Variants in NUBPL observed in about 807,000 individuals in gnomAD.
NUBPL encodes the protein iron-sulfur cluster transfer protein NUBPL.
Under a neutral mutation model 45.7 loss-of-function variants are expected in NUBPL, and 31 were observed. The ratio of observed to expected loss-of-function variants is 0.68; its 90% confidence interval spans 0.51 to 0.92. The LOEUF (loss-of-function observed/expected upper bound fraction) is 0.92, where lower values mean the gene tolerates loss of function less well. NUBPL is among the 40% of genes least tolerant of loss of function. NUBPL has a pLI of 0.00. For missense variants in NUBPL, 401 were observed against 398.7 expected (o/e 1.01, Z -0.05); for synonymous variants, 144 against 140.9 (o/e 1.02, Z -0.15).
intron 4 of NUBPL, among the ~76,000 whole-genome samples, chr14:31,669,071 C>T (rs1017052629): frequency 1.3e-5 from 2 of 152,194 alleles, no homozygotes. Flanking sequence ...CTATGTTACT[C>T]AGGCTGGACT....
intron 4 of NUBPL, among the ~76,000 whole-genome samples, chr14:31,663,940 A>G (rs931378040): frequency 2.0e-5 from 3 of 152,156 alleles, no homozygotes; most frequent in Non-Finnish European, 4.4e-5. Context: ...TTCTCCTTGA[A>G]GAGGTCCTTC....
At chr14:31,802,353 G>A (rs1056344519) in intron 7 of NUBPL, among the ~76,000 whole-genome samples, 5 of 151,722 alleles carry the variant, frequency 3.3e-5, no homozygotes, top group Non-Finnish European at 7.4e-5. Context: ...TTGGCTCACT[G>A]CAGTCTCTGC....
chr14:31,633,249 C>G (rs1447082141), intron 4 of NUBPL, among the ~76,000 whole-genome samples: 1 of 152,208 alleles, frequency 6.6e-6, no homozygotes, highest in African/African-American at 2.4e-5. Flanking sequence ...TCACCTCTTG[C>G]AACTGGCAGC....
At chr14:31,691,958 A>G (rs1273750186) in intron 6 of NUBPL, among the ~76,000 whole-genome samples, 1 of 152,184 alleles carries the variant, frequency 6.6e-6, no homozygotes, top group Non-Finnish European at 1.5e-5. Flanking sequence ...AAGGGAAAAG[A>G]TTGATGGATA....
rs887908257 is a variant in NUBPL at position 31,700,999 on chromosome 14, G to A, written c.513+27425G>A. The stretch of plus-strand genomic sequence containing the variant: ...CCCAGCACAGGATCCACTAGACAAA[G>A]CCAGCTGGGCTCCTGAGCCGGCTGG... On this transcript the variant is annotated intron_variant, in intron 6 of 10. Transcript: ENST00000281081. Among the ~76,000 whole-genome samples the A allele has an allele frequency of 7.9e-5, 12 of 152,216 alleles. No homozygotes were observed. In the East Asian group the frequency reaches 1.7e-3, roughly 22 times the overall value.
intron 4 of NUBPL, among the ~76,000 whole-genome samples, chr14:31,614,447 G>A (rs2034842999): frequency 6.6e-6 from 1 of 152,062 alleles, no homozygotes; most frequent in Admixed American, 6.6e-5. Flanking sequence ...TTATCACAGT[G>A]GGTGAAAAAG....
intron 4 of NUBPL, among the ~76,000 whole-genome samples, chr14:31,624,916 T>C (rs1305091549): frequency 1.3e-5 from 2 of 152,168 alleles, no homozygotes; most frequent in East Asian, 1.9e-4. Flanking sequence ...TGACATCTTA[T>C]AGGTGGAGGC....
At chr14:31,710,886 A>G (rs558028056) in intron 6 of NUBPL, among the ~76,000 whole-genome samples, 8 of 152,324 alleles carry the variant, frequency 5.3e-5, no homozygotes, top group Non-Finnish European at 1.0e-4. Flanking sequence ...GGGAAAAATT[A>G]TGTCTTTCTG....
At chr14:31,792,346 C>T (rs2039397787) in intron 7 of NUBPL, among the ~76,000 whole-genome samples, 1 of 152,074 alleles carries the variant, frequency 6.6e-6, no homozygotes. Flanking sequence ...TTTTTTGAGT[C>T]CTGAAAGACT....
chr14:31,631,634 C>T (rs1416484728), intron 4 of NUBPL, among the ~76,000 whole-genome samples: 1 of 152,062 alleles, frequency 6.6e-6, no homozygotes, highest in African/African-American at 2.4e-5. Context: ...GGTCTAAGAA[C>T]CAGTATAGCC....
At chr14:31,766,714 A>C (rs1462498016) in intron 6 of NUBPL, among the ~76,000 whole-genome samples, 5 of 152,206 alleles carry the variant, frequency 3.3e-5, no homozygotes, top group Non-Finnish European at 1.5e-5. Context: ...GGTACCCCAA[A>C]AGCCAGTGAG....
chr14:31,703,983 G>A lies in NUBPL; in HGVS notation c.513+30409G>A, dbSNP rs539852020. On this transcript the variant is annotated intron_variant, in intron 6 of 10. Transcript: ENST00000281081. ...CACCACCTGACATTCCTACTGGGTC[G>A]GCGAGAAGAGCCCTCTCCTGCCTTG... Among the ~76,000 whole-genome samples the A allele has an allele frequency of 1.7e-4, 26 of 152,256 alleles. No homozygotes were observed. In the East Asian group the frequency reaches 2.1e-3, roughly 12 times the overall value.
chr14:31,627,620 G>A (rs1406860930), intron 4 of NUBPL, among the ~76,000 whole-genome samples: 1 of 151,886 alleles, frequency 6.6e-6, no homozygotes, highest in Admixed American at 6.6e-5. Context: ...GAAAAAATTA[G>A]CCAGACGTGG....
intron 4 of NUBPL, among the ~76,000 whole-genome samples, chr14:31,605,971 CT>C (rs1221245565): frequency 2.7e-5 from 4 of 146,116 alleles, no homozygotes; most frequent in African/African-American, 1.0e-4. Flanking sequence ...CTCTTCTCCC[CT>C]CTCCCTCCTC....
intron 4 of NUBPL, 130 bp from the exon 5 acceptor site, chr14:31,673,225 T>C: frequency 1.4e-6 from 1 of 698,884 alleles, no homozygotes; most frequent in South Asian, 1.8e-5. Flanking sequence ...AACATTACGT[T>C]GTACCCCGTA....
rs115409612 is a variant in NUBPL, at chr14:31,790,288, T to C, written c.607+2415T>C. On this transcript the variant is annotated intron_variant, in intron 7 of 10. Coordinates refer to ENST00000281081, the MANE Select transcript of NUBPL (RefSeq NM_025152.3). The stretch of plus-strand genomic sequence containing the variant: ...CTCTAACACCAGCATTGCATATAGA[T>C]AGAGGTTGAGATTTTCTTCCCCATT... Among the ~76,000 whole-genome samples the C allele has an allele frequency of 2.2e-3, 335 of 152,336 alleles. 3 individuals are homozygous for C. The highest frequency in any genetic ancestry group is 7.7e-3 in the African/African-American group (318 of 41,568).
chr14:31,769,215 A>C (rs1291478226), intron 6 of NUBPL, among the ~76,000 whole-genome samples: 1 of 152,198 alleles, frequency 6.6e-6, no homozygotes, highest in Non-Finnish European at 1.5e-5. Flanking sequence ...CAGTTTCAGG[A>C]GATGAATACA....
At chr14:31,688,316 G>T (rs747779086) in intron 6 of NUBPL, among the ~76,000 whole-genome samples, 1 of 152,052 alleles carries the variant, frequency 6.6e-6, no homozygotes, top group Non-Finnish European at 1.5e-5. Context: ...GGTGGTTCAC[G>T]CCTGTAATCC....
chr14:31,793,782 C>A (rs901929053), intron 7 of NUBPL, among the ~76,000 whole-genome samples: 1 of 150,910 alleles, frequency 6.6e-6, no homozygotes, highest in Non-Finnish European at 1.5e-5. Context: ...GCTAGTCTGA[C>A]TAGCTATTAC....
Sources: allele counts gnomAD v4.1 joint callset (sites outside exome capture counted in the v4.1 genomes callset), GRCh38; gene constraint gnomAD v4.1.1; transcripts MANE v1.5; gene names NCBI Gene and HGNC (gene_info 2026-07-23, HGNC 2026-07-21).